The following RFX3 variants were observed in gnomAD, a reference collection of about 807,000 sequenced individuals.
RFX3 encodes the protein regulatory factor X3.
RFX3 carries 14 observed loss-of-function variants against 98.6 expected under a neutral mutation model. The ratio of observed to expected loss-of-function variants is 0.14; its 90% CI spans 0.09 to 0.22. The LOEUF is 0.22. Ranked by LOEUF, RFX3 falls within the 10% of genes least tolerant of loss-of-function variation. The pLI, the probability that RFX3 is intolerant of heterozygous loss-of-function variation, is 1.00. For synonymous variants in RFX3, 383 were observed against 328.4 expected (o/e 1.17, Z -1.80); for missense variants, 639 against 926.9 (o/e 0.69, Z 4.03).
chr9:3,325,312 T>C (rs567820041), intron 4 of RFX3, among the ~76,000 whole-genome samples: 35 of 152,242 alleles, frequency 2.3e-4, no homozygotes, highest in African/African-American at 7.2e-4. Context: ...AATGAATTCT[T>C]AACTTTCTAT....
At chr9:3,335,417 T>C (rs1195134927) in intron 3 of RFX3, among the ~76,000 whole-genome samples, 1 of 152,214 alleles carries the variant, frequency 6.6e-6, no homozygotes, top group East Asian at 1.9e-4. Context: ...TTTTATATTG[T>C]ATACTGAATA....
chr9:3,489,366 C>A (rs1273552521), intron 1 of RFX3: 6 of 950,978 alleles, frequency 6.3e-6, no homozygotes, highest in Non-Finnish European at 7.5e-6. Context: ...CTGCTTTTTT[C>A]ACCTTTCTGA....
At chr9:3,398,605 C>T (rs1841142086) in intron 1 of RFX3, among the ~76,000 whole-genome samples, 1 of 152,136 alleles carries the variant, frequency 6.6e-6, no homozygotes, top group Non-Finnish European at 1.5e-5. Flanking sequence ...ATAGCTTCTC[C>T]TTTAAGCTGT....
intron 4 of RFX3, among the ~76,000 whole-genome samples, chr9:3,322,711 T>C (rs528092908): frequency 5.3e-5 from 8 of 152,114 alleles, no homozygotes; most frequent in Admixed American, 2.6e-4. Context: ...CCAGCCTGGG[T>C]GACAGAGTGA....
At chr9:3,467,606 G>A (rs1166595257) in intron 1 of RFX3, among the ~76,000 whole-genome samples, 1 of 152,048 alleles carries the variant, frequency 6.6e-6, no homozygotes. Flanking sequence ...TACTGGACTA[G>A]TAGCTCTTTA....
intron 7 of RFX3, among the ~76,000 whole-genome samples, chr9:3,284,294 T>C (rs1245793145): frequency 6.6e-6 from 1 of 151,736 alleles, no homozygotes; most frequent in Non-Finnish European, 1.5e-5. Context: ...CAGCAAATAC[T>C]GTTACTTAGT....
At chr9:3,288,972 A>G (rs1185888958) in intron 6 of RFX3, among the ~76,000 whole-genome samples, 1 of 152,122 alleles carries the variant, frequency 6.6e-6, no homozygotes, top group Non-Finnish European at 1.5e-5. Context: ...CACCTGGAAT[A>G]AAAATGTCAC....
intron 7 of RFX3, among the ~76,000 whole-genome samples, chr9:3,285,384 A>G (rs573136020): frequency 7.2e-5 from 11 of 151,952 alleles, no homozygotes; most frequent in African/African-American, 2.6e-4. Flanking sequence ...TTTAAGCCAT[A>G]AAATATATTT....
intron 1 of RFX3, among the ~76,000 whole-genome samples, chr9:3,503,888 G>A (rs79773676): frequency 2.6e-5 from 4 of 151,822 alleles, no homozygotes; most frequent in African/African-American, 7.2e-5. Context: ...TAAACTAAGG[G>A]TATAACCAAC....
intron 6 of RFX3, among the ~76,000 whole-genome samples, chr9:3,292,727 A>AGAG (rs1228681547): frequency 5.7e-5 from 8 of 139,918 alleles, no homozygotes; most frequent in Admixed American, 3.4e-4. Flanking sequence ...TCTTTCAATA[A>AGAG]GAGAATACAT....
intron 16 of RFX3, among the ~76,000 whole-genome samples, chr9:3,227,085 C>A (rs1817868923): frequency 6.6e-6 from 1 of 152,118 alleles, no homozygotes; most frequent in African/African-American, 2.4e-5. Context: ...ACCAGCGTGG[C>A]CACATCCAGC....
At chr9:3,266,460 CT>C (rs1262311386) in intron 11 of RFX3, among the ~76,000 whole-genome samples, 155 bp from the exon 12 acceptor site, 2 of 151,950 alleles carry the variant, frequency 1.3e-5, no homozygotes, top group Non-Finnish European at 2.9e-5. Context: ...TTATTCCTAA[CT>C]TTTTAAAGCA....
chr9:3,512,046 C>T (rs1442723288), intron 1 of RFX3, among the ~76,000 whole-genome samples: 1 of 151,856 alleles, frequency 6.6e-6, no homozygotes, highest in Non-Finnish European at 1.5e-5. Context: ...ATGCATGTAT[C>T]GAAATATCCC....
At chr9:3,467,167 A>G (rs1456697610) in intron 1 of RFX3, among the ~76,000 whole-genome samples, 1 of 143,328 alleles carries the variant, frequency 7.0e-6, no homozygotes, top group Non-Finnish European at 1.5e-5. Flanking sequence ...GTATATACGT[A>G]TATAATGTAT....
chr9:3,335,797 C>A lies in RFX3; in HGVS notation c.216-5280G>T, dbSNP rs531528947. 2.0e-5 allele frequency among the ~76,000 whole-genome samples: 3 copies of A among 152,260 alleles called. No individual in the cohort carries two copies. In the South Asian group the frequency reaches 6.2e-4, roughly 32 times the overall value. ...TCATAGCTGACTCTATTATAAGGTTCTATGTAAATGTCAGGACTCTGATTC... is the reference window on the plus strand; with the variant it reads ...TCATAGCTGACTCTATTATAAGGTTATATGTAAATGTCAGGACTCTGATTC... On this transcript the variant is annotated intron_variant, in intron 3 of 16. Transcript: ENST00000617270.
intron 4 of RFX3, among the ~76,000 whole-genome samples, chr9:3,318,506 G>T (rs1235945514): frequency 7.2e-6 from 1 of 139,052 alleles, no homozygotes; most frequent in East Asian, 2.1e-4. Context: ...ATGTACCCTA[G>T]AAATTAAAGT....
chr9:3,372,079 C>T (rs1488554131), intron 2 of RFX3, among the ~76,000 whole-genome samples: 1 of 152,202 alleles, frequency 6.6e-6, no homozygotes, highest in African/African-American at 2.4e-5. Flanking sequence ...TCAGTGTACA[C>T]CGGCCAAGCT....
intron 1 of RFX3, among the ~76,000 whole-genome samples, chr9:3,483,368 G>C (rs1257989225): frequency 6.6e-6 from 1 of 152,058 alleles, no homozygotes; most frequent in African/African-American, 2.4e-5. Context: ...TGTTGAGACA[G>C]GTACCATTTT....
intron 4 of RFX3, among the ~76,000 whole-genome samples, chr9:3,307,752 T>C (rs187282755): frequency 6.6e-5 from 10 of 152,330 alleles, no homozygotes; most frequent in South Asian, 2.1e-4. Flanking sequence ...TACAGATCAT[T>C]TTGTTATTGA....
Sources: allele counts gnomAD v4.1 joint callset (sites outside exome capture counted in the v4.1 genomes callset), GRCh38; gene constraint gnomAD v4.1.1; transcripts MANE v1.5; gene names NCBI Gene and HGNC (gene_info 2026-07-23, HGNC 2026-07-21).